The following CSMD3 variants were observed in gnomAD, a reference collection of about 807,000 sequenced individuals.
CSMD3 encodes the protein CUB and Sushi multiple domains 3.
In CSMD3, 177 loss-of-function variants were observed where a neutral mutation model predicts 435.2. The observed-to-expected ratio is 0.41, with a 90% CI of 0.36 to 0.46. CSMD3 has a LOEUF of 0.46. CSMD3 is among the 20% of genes least tolerant of loss of function. The pLI, the probability that CSMD3 is intolerant of heterozygous loss-of-function variation, is 0.34. For synonymous variants in CSMD3, 1,656 were observed against 1,520.5 expected (o/e 1.09, Z -2.07); for missense variants, 4,265 against 4,504.6 (o/e 0.95, Z 1.52).
At chr8:112,709,491 T>G (rs2076566059) in intron 13 of CSMD3, among the ~76,000 whole-genome samples, 1 of 152,058 alleles carries the variant, frequency 6.6e-6, no homozygotes, top group Admixed American at 6.6e-5. Flanking sequence ...ACACTTGGTT[T>G]TTAATGAAAG....
At chr8:112,786,759 C>G (rs916662482) in intron 13 of CSMD3, among the ~76,000 whole-genome samples, 1 of 151,930 alleles carries the variant, frequency 6.6e-6, no homozygotes, top group Non-Finnish European at 1.5e-5. Context: ...TTATTATACT[C>G]TAAGTTCTGG....
chr8:112,998,012 A>G (rs1432899782), intron 6 of CSMD3, among the ~76,000 whole-genome samples: 1 of 151,398 alleles, frequency 6.6e-6, no homozygotes, highest in Non-Finnish European at 1.5e-5. Flanking sequence ...CCTTACTTTG[A>G]GCCCTACTCA....
intron 12 of CSMD3, among the ~76,000 whole-genome samples, chr8:112,818,494 GAC>G (rs1460602977): frequency 1.3e-5 from 2 of 152,144 alleles, no homozygotes; most frequent in African/African-American, 4.8e-5. Flanking sequence ...GGAATTCACA[GAC>G]AAGTAAAGAG....
At chr8:112,504,339 T>C (rs1822291704) in intron 29 of CSMD3, among the ~76,000 whole-genome samples, 1 of 152,080 alleles carries the variant, frequency 6.6e-6, no homozygotes, top group Admixed American at 6.6e-5. Flanking sequence ...GACATATTCT[T>C]ATGCAAGTTA....
At chr8:112,617,150 C>A (rs939354132) in intron 22 of CSMD3, among the ~76,000 whole-genome samples, 2 of 152,136 alleles carry the variant, frequency 1.3e-5, no homozygotes, top group Non-Finnish European at 2.9e-5. Context: ...TCTTCCTTGA[C>A]AAATTTCAGA....
At chr8:113,356,396 T>C (rs979207437) in intron 1 of CSMD3, among the ~76,000 whole-genome samples, 9 of 152,036 alleles carry the variant, frequency 5.9e-5, no homozygotes, top group Non-Finnish European at 1.2e-4. Flanking sequence ...GGATACTTAG[T>C]GAAGAAAAAA....
chr8:112,682,661 A>T (rs1397283801), intron 15 of CSMD3, 25 bp from the exon 16 acceptor site: 1 of 1,465,972 alleles, frequency 6.8e-7, no homozygotes, highest in East Asian at 2.3e-5. Context: ...GCAAAGAAAA[A>T]TACACAAACA....
Position 113,314,555 on chromosome 8 carries a change from T to C in CSMD3, c.401+16A>G, listed in dbSNP as rs199818180. On this transcript the variant is annotated intron_variant, in intron 2 of 70. Transcript: ENST00000297405. ...GAAATATTTTCTCTCCAGTCTTCCA[T>C]TCAAAACACACTAACCTTGTCCTAA... is the stretch of plus-strand genomic sequence containing the variant. The C allele has an allele frequency of 3.4e-6, 5 of 1,479,628 alleles. No homozygotes were observed. The East Asian group carries it at 9.1e-5, about 27-fold the overall frequency. 91.7% of individuals were successfully genotyped at this position (1,479,628 alleles called of 1,614,324 possible). A position where few individuals can be genotyped will look rare whatever the true frequency, so the allele number is the denominator to read the frequency against.
Position 112,829,703 on chromosome 8 carries a change from AG to A in CSMD3, c.1841del (p.Pro614LeufsTer8). On this transcript the variant is annotated frameshift_variant, in exon 12 of 71. Transcript: ENST00000297405. LOFTEE classifies it high-confidence loss of function. ...TIGDGGEVGD[P>X]RTVLQVLTGS... ...GAACTTACACTTGGAGCACTGTCCT[AG>A]GATCTCCAACTTCGCCCCCATCGCC... is the stretch of plus-strand genomic sequence containing the variant. The A allele has an allele frequency of 6.2e-7, 1 of 1,606,830 alleles. No individual in the cohort carries two copies. Among genetic ancestry groups the A allele is most frequent in the Non-Finnish European group, 8.5e-7 (1 of 1,173,436 alleles).
intron 31 of CSMD3, among the ~76,000 whole-genome samples, chr8:112,482,701 T>G (rs555009564): frequency 8.1e-4 from 124 of 152,226 alleles, no homozygotes; most frequent in Admixed American, 1.9e-3. Flanking sequence ...CTTTTACTAT[T>G]TAAAGAAATT....
chr8:112,743,463 A>G (rs2077359457), intron 13 of CSMD3, among the ~76,000 whole-genome samples: 3 of 151,914 alleles, frequency 2.0e-5, no homozygotes, highest in African/African-American at 7.2e-5. Flanking sequence ...AACGCTATGG[A>G]TTAAGGCAGT....
chr8:112,746,387 G>A (rs1482358647), intron 13 of CSMD3, among the ~76,000 whole-genome samples: 3 of 152,106 alleles, frequency 2.0e-5, no homozygotes, highest in Admixed American at 6.5e-5. Context: ...ATTTCAGACA[G>A]CACTTAATTG....
chr8:112,738,620 A>C (rs2077236571), intron 13 of CSMD3, among the ~76,000 whole-genome samples: 1 of 151,724 alleles, frequency 6.6e-6, no homozygotes, highest in Admixed American at 6.6e-5. Flanking sequence ...ATGGTTCTCA[A>C]TATAATCATG....
intron 10 of CSMD3, among the ~76,000 whole-genome samples, chr8:112,898,489 A>G (rs956940458): frequency 6.6e-6 from 1 of 151,246 alleles, no homozygotes; most frequent in Non-Finnish European, 1.5e-5. Flanking sequence ...TAGTAAATGG[A>G]CGCTATATTT....
At chr8:112,393,008 G>T (rs746943524) in intron 35 of CSMD3, among the ~76,000 whole-genome samples, 1 of 151,520 alleles carries the variant, frequency 6.6e-6, no homozygotes, top group Non-Finnish European at 1.5e-5. Context: ...TAGGACTACA[G>T]GTGTGTGCCA....
At position 113,187,499 on chromosome 8, in the gene CSMD3, G is replaced by A. The variant is rs74427085; in HGVS notation, c.515-13583C>T. Among the ~76,000 whole-genome samples the A allele has an allele frequency of 5.5e-3, 843 of 152,152 alleles. 12 individuals are homozygous for A. The highest frequency in any genetic ancestry group is 0.02 in the African/African-American group (814 of 41,560). On this transcript the variant is annotated intron_variant, in intron 3 of 70. Coordinates refer to ENST00000297405, the MANE Select transcript of CSMD3 (RefSeq NM_198123.2). ...AAGCTGGAAAATACTGGAAACTTCTGTAGTTAAATTACAACCCTGATAATG... is the reference window on the plus strand; with the variant it reads ...AAGCTGGAAAATACTGGAAACTTCTATAGTTAAATTACAACCCTGATAATG...
chr8:113,321,101 A>C (rs1358649004), intron 1 of CSMD3, among the ~76,000 whole-genome samples: 4 of 152,072 alleles, frequency 2.6e-5, no homozygotes, highest in African/African-American at 9.7e-5. Flanking sequence ...CAACCAGTCT[A>C]TCCTGCTAGG....
At chr8:112,299,927 A>G (rs1820745018) in intron 53 of CSMD3, among the ~76,000 whole-genome samples, 1 of 151,736 alleles carries the variant, frequency 6.6e-6, no homozygotes. Flanking sequence ...TTTCCAGAGA[A>G]CAGAATCAAG....
At chr8:112,351,087 A>C in intron 40 of CSMD3, 88 bp downstream of exon 40, 1 of 854,926 alleles carries the variant, frequency 1.2e-6, no homozygotes, top group Non-Finnish European at 1.9e-6. Context: ...ATGAAACTTT[A>C]AAATCTGATG....
Sources: allele counts gnomAD v4.1 joint callset (sites outside exome capture counted in the v4.1 genomes callset), GRCh38; gene constraint gnomAD v4.1.1; transcripts MANE v1.5; gene names NCBI Gene and HGNC (gene_info 2026-07-23, HGNC 2026-07-21).